The following SH3KBP1 variants were observed in gnomAD, a reference collection of about 807,000 sequenced individuals.
The protein encoded by SH3KBP1 is SH3 domain-containing kinase-binding protein 1.
In SH3KBP1, 8 loss-of-function variants were observed where a neutral mutation model predicts 50.1. That is an observed-to-expected ratio of 0.16 (90% CI 0.09 to 0.29). The LOEUF (loss-of-function observed/expected upper bound fraction) is 0.29, where lower values mean the gene tolerates loss of function less well. Ranked by LOEUF, SH3KBP1 falls within the 10% of genes least tolerant of loss-of-function variation. SH3KBP1 has a pLI of 1.00. For missense variants in SH3KBP1, 377 were observed against 535.2 expected (o/e 0.70, Z 2.92); for synonymous variants, 227 against 218.6 (o/e 1.04, Z -0.34).
chrX:19,637,063 C>A (rs778096946), intron 7 of SH3KBP1, among the ~76,000 whole-genome samples: 1 of 112,256 alleles, frequency 8.9e-6, no homozygotes, highest in Non-Finnish European at 1.9e-5. Flanking sequence ...GTTGGTAATC[C>A]CTCACTCAGA....
intron 2 of SH3KBP1, among the ~76,000 whole-genome samples, chrX:19,833,384 C>T: frequency 9.3e-6 from 1 of 107,746 alleles, no homozygotes; most frequent in South Asian, 4.2e-4. Flanking sequence ...CTCCCCTTCC[C>T]ACAGTCCTCC....
At chrX:19,821,048 A>C (rs747402863) in intron 2 of SH3KBP1, among the ~76,000 whole-genome samples, 1 of 111,533 alleles carries the variant, frequency 9.0e-6, no homozygotes, top group African/African-American at 3.3e-5. Context: ...ATTGGATACC[A>C]CACCAGATGA....
chrX:19,559,025 T>C (rs1239586080), intron 13 of SH3KBP1, among the ~76,000 whole-genome samples: 1 of 109,027 alleles, frequency 9.2e-6, no homozygotes, highest in Non-Finnish European at 1.9e-5. Context: ...CCCAGCACAT[T>C]GGGAGGTCGA....
chrX:19,564,015 A>G (rs1332976464), intron 13 of SH3KBP1, among the ~76,000 whole-genome samples: 3 of 111,320 alleles, frequency 2.7e-5, no homozygotes, highest in African/African-American at 9.8e-5. Context: ...AGGACACAGT[A>G]TATCTTGTTT....
chrX:19,709,913 A>G (rs909126743), intron 3 of SH3KBP1, among the ~76,000 whole-genome samples: 28 of 111,777 alleles, frequency 2.5e-4, no homozygotes, highest in African/African-American at 9.1e-4. Context: ...GACCTTCCTT[A>G]AAGAGGTAAG....
rs371701312 is a variant in SH3KBP1 at position 19,564,436 on chromosome X, G to T, written c.1384+4667C>A. Among the ~76,000 whole-genome samples, 32 of 110,941 alleles carry T rather than the reference G, an allele frequency of 2.9e-4. 1 individual carries two copies. In the South Asian group the frequency reaches 5.8e-3, roughly 20 times the overall value. The stretch of plus-strand genomic sequence containing the variant: ...ATACCCGTTTAAACACTGGGTAGTT[G>T]ATCTTTGGCAAATATCTAATCACAA... On this transcript the variant is annotated intron_variant, in intron 13 of 17. Coordinates refer to ENST00000397821, the MANE Select transcript of SH3KBP1 (RefSeq NM_031892.3).
chrX:19,870,779 A>C (rs2069021153), intron 1 of SH3KBP1, among the ~76,000 whole-genome samples: 1 of 111,476 alleles, frequency 9.0e-6, no homozygotes, highest in Non-Finnish European at 1.9e-5. Context: ...AGGGATTCTC[A>C]CAGTGGTTTG....
chrX:19,568,520 C>T (rs1474891111), intron 13 of SH3KBP1, among the ~76,000 whole-genome samples: 2 of 112,208 alleles, frequency 1.8e-5, no homozygotes, highest in Non-Finnish European at 3.8e-5. Flanking sequence ...CAGGTCAGAC[C>T]ACTAGTGGCC....
chrX:19,591,802 G>A (rs1380080228), intron 11 of SH3KBP1, among the ~76,000 whole-genome samples: 3 of 112,108 alleles, frequency 2.7e-5, no homozygotes, highest in South Asian at 7.4e-4. Flanking sequence ...GGGTGGCCAT[G>A]GTAGAGACAT....
intron 3 of SH3KBP1, among the ~76,000 whole-genome samples, chrX:19,709,806 G>A (rs2063735215): frequency 8.9e-6 from 1 of 112,014 alleles, no homozygotes; most frequent in Non-Finnish European, 1.9e-5. Flanking sequence ...TTGTATTTCA[G>A]TTGCATCCAT....
chrX:19,694,740 G>GAC (rs1452341197), intron 5 of SH3KBP1, among the ~76,000 whole-genome samples: 3 of 111,793 alleles, frequency 2.7e-5, no homozygotes, highest in Non-Finnish European at 5.6e-5. Flanking sequence ...AAATAAATGA[G>GAC]ACACAAACTA....
chrX:19,733,944 AT>A (rs1436958407), intron 3 of SH3KBP1, among the ~76,000 whole-genome samples: 8 of 112,230 alleles, frequency 7.1e-5, no homozygotes, highest in Non-Finnish European at 1.1e-4. Flanking sequence ...CAGGAAGTCA[AT>A]TTGATAATGA....
Position 19,799,600 on chromosome X carries a change from C to T in SH3KBP1, c.162+36525G>A, listed in dbSNP as rs373492679. Reference sequence around the variant, plus strand: ...AACAGGCTACAAAAGATGCAGACATCGCAACAATCAAAACAGATGTATGGC... The same window carrying T: ...AACAGGCTACAAAAGATGCAGACATTGCAACAATCAAAACAGATGTATGGC... On this transcript the variant is annotated intron_variant, in intron 2 of 17. Transcript: ENST00000397821. The T allele has an allele frequency of 3.2e-4, 378 of 1,189,309 alleles. 1 individual carries two copies. The highest frequency in any genetic ancestry group is 4.0e-4 in the Non-Finnish European group (351 of 877,305).
chrX:19,646,473 G>A (rs1300968440), intron 6 of SH3KBP1, among the ~76,000 whole-genome samples: 1 of 111,842 alleles, frequency 8.9e-6, no homozygotes, highest in East Asian at 2.8e-4. Flanking sequence ...TTGATACCAG[G>A]GCAACAGCTG....
At chrX:19,607,035 A>G (rs1569335140) in intron 9 of SH3KBP1, among the ~76,000 whole-genome samples, 1 of 113,018 alleles carries the variant, frequency 8.8e-6, no homozygotes, top group South Asian at 3.6e-4. Context: ...TTAAACAATT[A>G]CATCCATTCA....
chrX:19,835,916 A>T (rs2068045831), intron 2 of SH3KBP1, among the ~76,000 whole-genome samples: 1 of 111,226 alleles, frequency 9.0e-6, no homozygotes, highest in Non-Finnish European at 1.9e-5. Flanking sequence ...TACACAGTGG[A>T]AAGAGATCAT....
At chrX:19,679,272 C>T (rs1187817007) in intron 6 of SH3KBP1, among the ~76,000 whole-genome samples, 1 of 112,092 alleles carries the variant, frequency 8.9e-6, no homozygotes, top group Non-Finnish European at 1.9e-5. Flanking sequence ...GGGCAGTGAC[C>T]TGGTCTCCCT....
intron 1 of SH3KBP1, among the ~76,000 whole-genome samples, chrX:19,838,332 C>A (rs1449711345): frequency 8.9e-6 from 1 of 112,033 alleles, no homozygotes; most frequent in African/African-American, 3.2e-5. Context: ...AGGAGTACCA[C>A]CAGAGCAAGC....
intron 2 of SH3KBP1, among the ~76,000 whole-genome samples, chrX:19,827,751 G>A (rs2067725463): frequency 9.6e-6 from 1 of 103,658 alleles, no homozygotes; most frequent in South Asian, 4.5e-4. Flanking sequence ...TTCTGTTTTA[G>A]GTAGCAGTCT....
Sources: allele counts gnomAD v4.1 joint callset (sites outside exome capture counted in the v4.1 genomes callset), GRCh38; gene constraint gnomAD v4.1.1; transcripts MANE v1.5; gene names NCBI Gene and HGNC (gene_info 2026-07-23, HGNC 2026-07-21).